The following TBCK variants were observed in gnomAD, a reference collection of about 807,000 sequenced individuals.
The protein encoded by TBCK is TBC1 domain containing kinase, also known as TBC domain-containing protein kinase-like protein.
Under a neutral mutation model 113.4 loss-of-function variants are expected in TBCK, and 99 were observed. The observed-to-expected ratio is 0.87, with a 90% CI of 0.74 to 1.03. TBCK has a LOEUF of 1.03. TBCK is among the 50% of genes least tolerant of loss of function. The pLI is 0.00. For missense variants in TBCK, 1,045 were observed against 1,061.3 expected (o/e 0.98, Z 0.21); for synonymous variants, 369 against 370.8 (o/e 1.00, Z 0.05).
At chr4:106,311,856 G>A (rs548672088) in intron 1 of TBCK, among the ~76,000 whole-genome samples, 4 of 152,184 alleles carry the variant, frequency 2.6e-5, no homozygotes, top group Admixed American at 2.6e-4. Context: ...TACAAATGGT[G>A]CTGGAAAAAG....
At position 106,044,990 on chromosome 4, in the gene TBCK, G is replaced by C. The variant is rs1045996864; in HGVS notation, c.*1580C>G. 2 of 151,392 alleles carry C rather than the reference G, an allele frequency of 1.3e-5. No homozygotes were observed. The highest frequency in any genetic ancestry group is 4.9e-5 in the African/African-American group (2 of 41,208). The allele number at this position is 151,392 out of a possible 1,614,324, so 9.4% of individuals were successfully genotyped here. ...AAAACAAAATTGAAGATAATTAAAGGATATGCTATATTTCATATATATGAG... is the reference window on the plus strand; with the variant it reads ...AAAACAAAATTGAAGATAATTAAAGCATATGCTATATTTCATATATATGAG... On this transcript the variant is annotated 3_prime_UTR_variant, in exon 26 of 26. Coordinates refer to ENST00000394708, the MANE Select transcript of TBCK (RefSeq NM_001163435.3).
chr4:106,262,523 G>A (rs1762604033), intron 3 of TBCK, among the ~76,000 whole-genome samples: 1 of 152,004 alleles, frequency 6.6e-6, no homozygotes, highest in Admixed American at 6.6e-5. Flanking sequence ...TAGCAGGTTT[G>A]GCTTCGCCAA....
intron 3 of TBCK, among the ~76,000 whole-genome samples, chr4:106,285,246 T>C (rs1050810061): frequency 2.0e-5 from 3 of 152,114 alleles, no homozygotes; most frequent in Non-Finnish European, 2.9e-5. Flanking sequence ...CATTAGTCTA[T>C]AAAATACTAA....
At chr4:106,215,849 C>T (rs1756827125) in intron 19 of TBCK, among the ~76,000 whole-genome samples, 1 of 151,776 alleles carries the variant, frequency 6.6e-6, no homozygotes, top group Non-Finnish European at 1.5e-5. Flanking sequence ...TTGAACTCAG[C>T]TCTGCACCAA....
chr4:106,244,565 C>A, intron 11 of TBCK, 61 bp downstream of exon 11: 14 of 1,275,752 alleles, frequency 1.1e-5, no homozygotes, highest in Non-Finnish European at 8.2e-6. Flanking sequence ...TTTATTATTA[C>A]CATAGAATTA....
chr4:106,086,351 G>A (rs1243827018), intron 25 of TBCK, among the ~76,000 whole-genome samples: 1 of 151,974 alleles, frequency 6.6e-6, no homozygotes, highest in African/African-American at 2.4e-5. Flanking sequence ...ATACATTCTG[G>A]GATGCATACA....
chr4:106,316,226 G>A (rs1454911262), upstream of TBCK: 2 of 269,432 alleles, frequency 7.4e-6, no homozygotes, highest in East Asian at 7.6e-5. Context: ...CCCTCAGCCT[G>A]GCCTTTTCTT....
rs191645550 is a variant in TBCK at position 106,071,348 on chromosome 4, A to C, written c.2571+24134T>G. On this transcript the variant is annotated intron_variant, in intron 25 of 25. Transcript: ENST00000394708. ...ACACCTTTATTTCTGCCTTCATTTC[A>C]TTATTTACCCAGTAGTCATTCAGGA... 5.5e-3 allele frequency among the ~76,000 whole-genome samples: 842 copies of C among 152,130 alleles called. 10 individuals are homozygous for C. Among genetic ancestry groups the C allele is most frequent in the African/African-American group, 0.02 (813 of 41,492 alleles).
intron 22 of TBCK, among the ~76,000 whole-genome samples, chr4:106,176,147 C>T (rs1451717990): frequency 9.9e-5 from 15 of 152,174 alleles, no homozygotes; most frequent in African/African-American, 3.6e-4. Flanking sequence ...AGAACATCTA[C>T]CAATTCGAAT....
At chr4:106,269,539 T>C (rs1763287523) in intron 3 of TBCK, among the ~76,000 whole-genome samples, 1 of 152,168 alleles carries the variant, frequency 6.6e-6, no homozygotes, top group African/African-American at 2.4e-5. Flanking sequence ...GGCACACATG[T>C]TTTAGCCTGA....
intron 6 of TBCK, 66 bp downstream of exon 6, chr4:106,251,795 TTCCTC>T (rs1761453633): frequency 1.5e-6 from 2 of 1,310,746 alleles, no homozygotes; most frequent in African/African-American, 1.5e-5. Flanking sequence ...ATTATTAACT[TTCCTC>T]TCCAAAAGAT....
At chr4:106,124,998 TAAA>T (rs112091698) in intron 23 of TBCK, among the ~76,000 whole-genome samples, 45 of 105,912 alleles carry the variant, frequency 4.2e-4, no homozygotes, top group South Asian at 8.6e-4. Context: ...ACTTAAAGTA[TAAA>T]AAAAAAAAAA....
intron 25 of TBCK, among the ~76,000 whole-genome samples, chr4:106,058,305 T>G (rs1314705053): frequency 6.6e-6 from 1 of 151,758 alleles, no homozygotes; most frequent in East Asian, 1.9e-4. Flanking sequence ...AAGTGGAGCA[T>G]GAAAAGTTGC....
intron 3 of TBCK, among the ~76,000 whole-genome samples, chr4:106,269,742 T>C (rs1328536352): frequency 6.6e-6 from 1 of 152,050 alleles, no homozygotes; most frequent in Non-Finnish European, 1.5e-5. Flanking sequence ...TCCAAAATAA[T>C]CAAAATAGAA....
At chr4:106,222,233 T>C (rs1266533807) in intron 19 of TBCK, among the ~76,000 whole-genome samples, 1 of 152,048 alleles carries the variant, frequency 6.6e-6, no homozygotes, top group Non-Finnish European at 1.5e-5. Flanking sequence ...TCCAATGAAA[T>C]ATAAAATGAA....
chr4:106,119,019 T>A (rs1368927150), intron 23 of TBCK, among the ~76,000 whole-genome samples: 1 of 152,210 alleles, frequency 6.6e-6, no homozygotes, highest in East Asian at 1.9e-4. Flanking sequence ...ACTACTTTGC[T>A]TTATGAAGAA....
intron 22 of TBCK, among the ~76,000 whole-genome samples, chr4:106,185,142 T>C (rs1425815806): frequency 6.6e-6 from 1 of 152,156 alleles, no homozygotes; most frequent in Non-Finnish European, 1.5e-5. Flanking sequence ...ATTGATAATT[T>C]GCACAGAAGG....
intron 23 of TBCK, among the ~76,000 whole-genome samples, chr4:106,119,574 T>A (rs1334629757): frequency 1.3e-5 from 2 of 152,096 alleles, no homozygotes; most frequent in Non-Finnish European, 2.9e-5. Flanking sequence ...GAGAAAACAT[T>A]GTGGAAATGC....
chr4:106,215,326 G>A (rs1014282135), intron 19 of TBCK, among the ~76,000 whole-genome samples: 2 of 151,414 alleles, frequency 1.3e-5, no homozygotes, highest in Admixed American at 6.6e-5. Flanking sequence ...AAAATAACCA[G>A]CTAACATCAT....
Sources: allele counts gnomAD v4.1 joint callset (sites outside exome capture counted in the v4.1 genomes callset), GRCh38; gene constraint gnomAD v4.1.1; transcripts MANE v1.5; gene names NCBI Gene and HGNC (gene_info 2026-07-23, HGNC 2026-07-21).